The following NSD1 variants were observed in gnomAD, a reference collection of about 807,000 sequenced individuals.
NSD1 encodes the protein nuclear receptor binding SET domain protein 1, also known as histone-lysine N-methyltransferase, H3 lysine-36 specific.
In NSD1, 26 loss-of-function variants were observed where a neutral mutation model predicts 242.7. The observed-to-expected ratio is 0.11, with a 90% CI of 0.08 to 0.15. The LOEUF (loss-of-function observed/expected upper bound fraction) is 0.15. Ranked by LOEUF, NSD1 falls within the 10% of genes least tolerant of loss-of-function variation. The pLI is 1.00. For synonymous variants in NSD1, 1,106 were observed against 1,178.1 expected, an observed-to-expected ratio of 0.94 and a Z score of 1.25; for missense variants, 2,495 against 3,272.8, an observed-to-expected ratio of 0.76 and a Z score of 5.80.
Position 177,260,120 on chromosome 5 carries a change from C to A in NSD1, c.5098C>A (p.Arg1700=). 6.2e-7 allele frequency: 1 copy of A among 1,613,960 alleles called. No individual in the cohort carries two copies. Among genetic ancestry groups the A allele is most frequent in the South Asian group, 1.1e-5 (1 of 91,068 alleles). ...PNHFTPRRGC[R]NHEHVNVSWC... is the part of the protein sequence containing the mutation. ...TCACTTTACCCCTAGGCGGGGCTGC[C>A]GAAATCATGAGCATGTTAATGTTAG... Residue 1700 remains arginine, a synonymous_variant, in exon 14 of 23, where the codon CGA becomes AGA. Transcript: ENST00000439151.
intron 2 of NSD1, among the ~76,000 whole-genome samples, chr5:177,186,959 T>G (rs930634754): frequency 2.6e-5 from 4 of 152,118 alleles, no homozygotes; most frequent in Non-Finnish European, 5.9e-5. Flanking sequence ...AATGGGAGGT[T>G]TTAAATCTAG....
At chr5:177,215,127 AGTAATG>A (rs1763669476) in intron 5 of NSD1, among the ~76,000 whole-genome samples, 1 of 151,840 alleles carries the variant, frequency 6.6e-6, no homozygotes, top group South Asian at 2.1e-4. Flanking sequence ...GACTATTGTG[AGTAATG>A]CTACAGTGAA....
In NSD1 at chr5:177,212,052, T is replaced by G. The variant is rs534623200; in HGVS notation, c.3653T>G (p.Leu1218Arg). The G allele has an allele frequency of 6.2e-7, 1 of 1,614,110 alleles. No individual in the cohort carries two copies. Among genetic ancestry groups the G allele is most frequent in the East Asian group, 2.2e-5 (1 of 44,878 alleles). Reference sequence around the variant, plus strand: ...TCAGCAAGCATACTTGAGGAACCACTGACAGAGCAAAATCATGCTGACTGC... The same window carrying G: ...TCAGCAAGCATACTTGAGGAACCACGGACAGAGCAAAATCATGCTGACTGC... Reference protein sequence around the residue: ...TPSASILEEPLTEQNHADCLD... With the variant: ...TPSASILEEPRTEQNHADCLD... Residue 1218 changes from leucine (L) to arginine (R), a missense_variant, in exon 5 of 23, where the codon CTG becomes CGG. Leu to Arg is a moderately radical substitution (Grantham distance 102). Around this residue, in one of 19 missense-constraint regions of NSD1, gnomAD observed 426 missense variants for 411.4 expected, o/e 1.04. Transcript: ENST00000439151.
At chr5:177,192,826 C>T (rs1202450134) in intron 3 of NSD1, among the ~76,000 whole-genome samples, 1 of 152,068 alleles carries the variant, frequency 6.6e-6, no homozygotes, top group African/African-American at 2.4e-5. Context: ...CCACTGTGCC[C>T]GGCTGATTTA....
chr5:177,264,051 T>TTTTTTTTTC (rs1562273769), intron 14 of NSD1, among the ~76,000 whole-genome samples: 6 of 116,386 alleles, frequency 5.2e-5, no homozygotes, highest in Middle Eastern at 4.4e-3. Context: ...TTTTTTTTTT[T>TTTTTTTTTC]TTTGAGATGG....
At chr5:177,173,636 G>C (rs566990814) in intron 2 of NSD1, among the ~76,000 whole-genome samples, 2 of 151,978 alleles carry the variant, frequency 1.3e-5, no homozygotes. Context: ...ACCACACCCA[G>C]CTAATTTTGT....
At chr5:177,176,252 C>G (rs80157378) in intron 2 of NSD1, among the ~76,000 whole-genome samples, 1 of 151,392 alleles carries the variant, frequency 6.6e-6, no homozygotes, top group Non-Finnish European at 1.5e-5. Flanking sequence ...TCTAAATATT[C>G]GATTCTTCTT....
At chr5:177,265,012 T>C in intron 14 of NSD1, 1 of 789,462 alleles carries the variant, frequency 1.3e-6, no homozygotes, top group Non-Finnish European at 2.3e-6. Flanking sequence ...AGGGCAAGAT[T>C]CTTGCCAAGA....
rs1156373751 is a variant in NSD1, at chr5:177,296,165, C to G, written c.*706C>G. On this transcript the variant is annotated 3_prime_UTR_variant, in exon 23 of 23. Transcript: ENST00000439151. ...CTCACAGAGGTCTCCTCTATAGATGCAAGGGTGCTGCATTGAGGCCAGCAA... is the reference window on the plus strand; with the variant it reads ...CTCACAGAGGTCTCCTCTATAGATGGAAGGGTGCTGCATTGAGGCCAGCAA... 4.2e-6 allele frequency: 1 copy of G among 240,488 alleles called. No individual in the cohort carries two copies. Among genetic ancestry groups the G allele is most frequent in the African/African-American group, 2.2e-5 (1 of 45,386 alleles). 14.9% of individuals were successfully genotyped at this position (240,488 alleles called of 1,614,324 possible).
intron 2 of NSD1, among the ~76,000 whole-genome samples, chr5:177,185,873 A>AT (rs1761123637): frequency 1.1e-5 from 1 of 87,510 alleles, no homozygotes; most frequent in Admixed American, 2.0e-4. Flanking sequence ...ATATTTATAT[A>AT]ATTAATATAT....
In NSD1 at chr5:177,280,523, G is replaced by T. The variant is rs755246448; in HGVS notation, c.5623-42G>T. The T allele has an allele frequency of 4.3e-6, 7 of 1,613,926 alleles. No individual in the cohort carries two copies. The South Asian group carries it at 7.7e-5, about 18-fold the overall frequency. On this transcript the variant is annotated intron_variant, in intron 17 of 22. Coordinates refer to ENST00000439151, the MANE Select transcript of NSD1 (RefSeq NM_022455.5). ...TTTTTCAGGACGTGAATTGTCTTCT[G>T]CTGACTTGTTTTATGCGGTGTACTT...
At chr5:177,185,711 C>G (rs1174014849) in intron 2 of NSD1, among the ~76,000 whole-genome samples, 3 of 100,212 alleles carry the variant, frequency 3.0e-5, no homozygotes, top group African/African-American at 4.1e-5. Context: ...AATATATATA[C>G]ATTATATATT....
chr5:177,227,924 G>A (rs1301237007), intron 5 of NSD1, among the ~76,000 whole-genome samples: 1 of 148,044 alleles, frequency 6.8e-6, no homozygotes, highest in African/African-American at 2.5e-5. Flanking sequence ...CTCTACCCTG[G>A]ACCACAAGAG....
rs1397129045 is a variant in NSD1 at position 177,295,428 on chromosome 5, G to A, written c.8060G>A (p.Ser2687Asn). Residue 2687 changes from serine (S) to asparagine (N), a missense_variant, in exon 23 of 23, where the codon AGT becomes AAT. Physicochemically the swap from Ser to Asn is conservative, Grantham distance 46 (BLOSUM62 1). Around this residue, in one of 19 missense-constraint regions of NSD1, gnomAD observed 475 missense variants for 563.7 expected, o/e 0.84. Transcript: ENST00000439151. The surrounding 1 kb of genome is among the most constrained non-coding windows in gnomAD (Gnocchi z 4.3). ...TLPALNQAPS[S>N]HKCAESEQK ...CCAGCTCTTAACCAGGCTCCTTCCA[G>A]TCACAAGTGTGCAGAATCAGAACAG... 1.2e-6 allele frequency: 2 copies of A among 1,614,040 alleles called. No individual in the cohort carries two copies. Among genetic ancestry groups the A allele is most frequent in the Non-Finnish European group, 1.7e-6 (2 of 1,180,010 alleles).
intron 5 of NSD1, among the ~76,000 whole-genome samples, chr5:177,225,177 C>T (rs992418032): frequency 6.6e-6 from 1 of 152,098 alleles, no homozygotes; most frequent in Non-Finnish European, 1.5e-5. Flanking sequence ...GACGGAGTTT[C>T]GCCCTCATCG....
chr5:177,289,850 T>G (rs1196615968), intron 21 of NSD1, among the ~76,000 whole-genome samples: 1 of 150,010 alleles, frequency 6.7e-6, no homozygotes, highest in East Asian at 2.0e-4. Flanking sequence ...TTTTTTGAGG[T>G]GGAGTCTCGC....
chr5:177,289,573 T>C (rs1227727363), intron 21 of NSD1, among the ~76,000 whole-genome samples: 1 of 152,138 alleles, frequency 6.6e-6, no homozygotes, highest in Non-Finnish European at 1.5e-5. Context: ...TCTTGGTATA[T>C]CTGTGTCTGT....
chr5:177,281,723 G>A (rs973568669), intron 18 of NSD1, among the ~76,000 whole-genome samples: 7 of 152,088 alleles, frequency 4.6e-5, no homozygotes, highest in Admixed American at 2.6e-4. Flanking sequence ...TGCCATCTCC[G>A]CTCACTGCAA....
intron 2 of NSD1, among the ~76,000 whole-genome samples, chr5:177,151,783 C>T (rs921241478): frequency 1.3e-5 from 2 of 151,960 alleles, no homozygotes; most frequent in African/African-American, 4.8e-5. Context: ...CCTCAACCTC[C>T]CAGTCTCAAG....
Sources: gnomAD v4.1 joint callset for allele counts (sites outside exome capture counted in the v4.1 genomes callset) on GRCh38, gnomAD v4.1.1 for gene constraint, gnomAD v4.1.1 regional missense constraint, Gnocchi (gnomAD v3.1) non-coding constraint, MANE v1.5 for transcripts, NCBI Gene and HGNC (gene_info 2026-07-23, HGNC 2026-07-21) for gene names.